The following KSR2 variants were observed in gnomAD, a reference collection of about 807,000 sequenced individuals.
The protein encoded by KSR2 is kinase suppressor of ras 2.
In KSR2, 25 loss-of-function variants were observed where a neutral mutation model predicts 107.8. That is an observed-to-expected ratio of 0.23 (90% confidence interval 0.17 to 0.32). KSR2 has a LOEUF of 0.32. KSR2 is among the 10% of genes least tolerant of loss of function. KSR2 has a pLI of 1.00. For missense variants in KSR2, 887 were observed against 1,268.9 expected, an observed-to-expected ratio of 0.70 and a Z score of 4.57; for synonymous variants, 480 against 507.0, an observed-to-expected ratio of 0.95 and a Z score of 0.71.
chr12:117,712,780 T>C (rs1407472846), intron 4 of KSR2, among the ~76,000 whole-genome samples: 3 of 152,098 alleles, frequency 2.0e-5, no homozygotes, highest in Admixed American at 1.3e-4. Flanking sequence ...ATCCCTCTCA[T>C]TCATTCAGAG....
chr12:117,482,875 A>C (rs370809661), intron 16 of KSR2, among the ~76,000 whole-genome samples: 1 of 152,206 alleles, frequency 6.6e-6, no homozygotes. Flanking sequence ...AGTTAGAGAA[A>C]ACTCTTACTG....
In KSR2 at chr12:117,818,587, T is replaced by C. The variant is rs542596091; in HGVS notation, c.472+36841A>G. ...GAATGAGCCCATAGCAAGTGCTTAGTGCAGGGCATGCCACCTGAGAAGCAT... is the reference window on the plus strand; with the variant it reads ...GAATGAGCCCATAGCAAGTGCTTAGCGCAGGGCATGCCACCTGAGAAGCAT... On this transcript the variant is annotated intron_variant, in intron 3 of 19. Transcript: ENST00000339824. 2.0e-5 allele frequency among the ~76,000 whole-genome samples: 3 copies of C among 152,340 alleles called. No individual in the cohort carries two copies. In the East Asian group the frequency reaches 5.8e-4, roughly 29 times the overall value.
intron 12 of KSR2, among the ~76,000 whole-genome samples, 170 bp from the exon 13 acceptor site, chr12:117,527,289 ACACACACACACAG>A: frequency 1.3e-5 from 1 of 78,866 alleles, no homozygotes; most frequent in African/African-American, 4.1e-5. Flanking sequence ...CGACACACAC[ACACACACACACAG>A]ACACACACAC....
chr12:117,966,902 G>A lies in KSR2; in HGVS notation c.180+1174C>T, dbSNP rs998115234. On this transcript the variant is annotated intron_variant, in intron 1 of 19. Transcript: ENST00000339824. Reference sequence around the variant, plus strand: ...CTCATGTGCCAGGACCAAGATGAACGTCTCAGTACTGCTCATGCCCACTCC... The same window carrying A: ...CTCATGTGCCAGGACCAAGATGAACATCTCAGTACTGCTCATGCCCACTCC... Among the ~76,000 whole-genome samples the A allele has an allele frequency of 1.2e-4, 19 of 152,132 alleles. 1 individual carries two copies. Among genetic ancestry groups the A allele is most frequent in the Admixed American group, 1.1e-3 (17 of 15,268 alleles).
intron 1 of KSR2, among the ~76,000 whole-genome samples, chr12:117,921,798 G>T (rs17511967): frequency 0.12 from 17,517 of 152,140 alleles, 1,178 homozygotes; most frequent in South Asian, 0.23. Context: ...TTGGGCTCAC[G>T]TACCCCTTTT....
chr12:117,794,218 C>G lies in KSR2; in HGVS notation c.473-32694G>C, dbSNP rs552046715. On this transcript the variant is annotated intron_variant, in intron 3 of 19. Transcript: ENST00000339824. ...CACCATGCACACATACACCAACATGCACACACACCAACATGCACACTCACA... is the reference window on the plus strand; with the variant it reads ...CACCATGCACACATACACCAACATGGACACACACCAACATGCACACTCACA... Among the ~76,000 whole-genome samples the G allele has an allele frequency of 4.9e-3, 568 of 115,060 alleles. 3 individuals carry two copies. The highest frequency in any genetic ancestry group is 5.7e-3 in the Non-Finnish European group (332 of 58,226). 75.5% of individuals were successfully genotyped at this position (115,060 alleles called of 152,430 possible).
chr12:117,669,571 T>TA (rs5801247), intron 4 of KSR2, among the ~76,000 whole-genome samples: 53,783 of 147,758 alleles, frequency 0.36, 11,040 homozygotes, highest in Non-Finnish European at 0.48. Flanking sequence ...TTGCTAAAAT[T>TA]AAAAAAAAAA....
chr12:117,626,170 A>AT (rs962078659), intron 5 of KSR2, among the ~76,000 whole-genome samples: 3 of 151,986 alleles, frequency 2.0e-5, no homozygotes, highest in East Asian at 3.9e-4. Flanking sequence ...AGATTCACTG[A>AT]TTTTTTTGAC....
chr12:117,668,282 G>T (rs1482804577), intron 4 of KSR2, among the ~76,000 whole-genome samples: 4 of 152,202 alleles, frequency 2.6e-5, no homozygotes, highest in African/African-American at 9.7e-5. Context: ...GACTTCTGGT[G>T]CCGGGCTCCT....
chr12:117,557,451 C>T (rs115869505), intron 8 of KSR2, among the ~76,000 whole-genome samples: 2 of 152,290 alleles, frequency 1.3e-5, no homozygotes, highest in African/African-American at 4.8e-5. Context: ...CCCTGCAGAT[C>T]CTGTTTAAAA....
intron 1 of KSR2, among the ~76,000 whole-genome samples, chr12:117,931,928 A>C (rs1223567854): frequency 6.6e-6 from 1 of 152,232 alleles, no homozygotes; most frequent in Admixed American, 6.5e-5. Flanking sequence ...GGGGATTCAA[A>C]GACATGGAGG....
intron 14 of KSR2, among the ~76,000 whole-genome samples, chr12:117,505,707 C>T (rs1873638566): frequency 6.6e-6 from 1 of 152,182 alleles, no homozygotes; most frequent in Admixed American, 6.5e-5. Flanking sequence ...ACTGCATATC[C>T]CCCAGTTGGC....
At chr12:117,801,747 T>C (rs1890839315) in intron 3 of KSR2, among the ~76,000 whole-genome samples, 1 of 152,106 alleles carries the variant, frequency 6.6e-6, no homozygotes, top group Admixed American at 6.5e-5. Flanking sequence ...CTGGAGATTA[T>C]AATTTGACAT....
At chr12:117,632,905 T>C (rs937850804) in intron 5 of KSR2, among the ~76,000 whole-genome samples, 1 of 152,258 alleles carries the variant, frequency 6.6e-6, no homozygotes, top group Non-Finnish European at 1.5e-5. Flanking sequence ...TTCCATGGCG[T>C]ACATGTACCA....
intron 1 of KSR2, among the ~76,000 whole-genome samples, chr12:117,953,906 A>G (rs1896435678): frequency 6.6e-6 from 1 of 152,102 alleles, no homozygotes; most frequent in African/African-American, 2.4e-5. Flanking sequence ...CCTGGGCAAG[A>G]TGGCAAGACC....
chr12:117,813,679 T>C (rs1593262865), intron 3 of KSR2, among the ~76,000 whole-genome samples: 1 of 152,192 alleles, frequency 6.6e-6, no homozygotes, highest in East Asian at 1.9e-4. Flanking sequence ...TTGGTGCGAA[T>C]GTAAACTAGT....
rs1875911952 is a variant in KSR2, at chr12:117,534,815, A to C, written c.1688-3108T>G. On this transcript the variant is annotated intron_variant, in intron 10 of 19. Transcript: ENST00000339824. ...GAGGAAGGCAGGGTCAGAGAAGGAG[A>C]TGTGATCATGCAAGCAGAGGCCAGA... is the stretch of plus-strand genomic sequence containing the variant. 2.0e-5 allele frequency among the ~76,000 whole-genome samples: 3 copies of C among 151,852 alleles called. No homozygotes were observed. The South Asian group carries it at 6.3e-4, about 32-fold the overall frequency.
chr12:117,558,297 T>C (rs543397633), intron 8 of KSR2, among the ~76,000 whole-genome samples: 2 of 151,598 alleles, frequency 1.3e-5, no homozygotes, highest in African/African-American at 4.8e-5. Context: ...GAGGGACCAG[T>C]AGAGGGGCAA....
intron 3 of KSR2, among the ~76,000 whole-genome samples, chr12:117,768,194 G>A (rs1889313940): frequency 6.6e-6 from 1 of 152,224 alleles, no homozygotes; most frequent in African/African-American, 2.4e-5. Context: ...TGCTCATGCC[G>A]AGGAAGGGCT....
Sources: allele counts gnomAD v4.1 joint callset (sites outside exome capture counted in the v4.1 genomes callset), GRCh38; gene constraint gnomAD v4.1.1; transcripts MANE v1.5; gene names NCBI Gene and HGNC (gene_info 2026-07-23, HGNC 2026-07-21).